Variants in SCIMP observed in about 807,000 individuals in gnomAD.
The protein encoded by SCIMP is SLP adapter and CSK-interacting membrane protein.
A neutral mutation model predicts 22.0 loss-of-function variants in SCIMP; 18 were observed. That is an observed-to-expected ratio of 0.82 (90% CI 0.56 to 1.21). SCIMP has a LOEUF of 1.21. Among genes scored for constraint, SCIMP ranks in the 50% most tolerant of loss-of-function variants. The pLI, the probability that SCIMP is intolerant of heterozygous loss-of-function variation, is 0.00. For missense variants in SCIMP, 155 were observed against 171.2 expected (o/e 0.91, Z 0.53); for synonymous variants, 53 against 62.2 (o/e 0.85, Z 0.70).
Position 5,221,068 on chromosome 17 carries a change from AAAAG to A in SCIMP, c.209+215_209+218del, listed in dbSNP as rs1439495883. 111 of 658,474 alleles carry A rather than the reference AAAAG, an allele frequency of 1.7e-4. No individual in the cohort carries two copies. In the East Asian group the frequency reaches 2.8e-3, roughly 16 times the overall value. The allele number at this position is 658,474 out of a possible 1,614,324, so 40.8% of individuals were successfully genotyped here. On this transcript the variant is annotated intron_variant, in intron 3 of 4. Transcript: ENST00000574081. ...GCAAGACTCCATCTCAAAAAAAAAA[AAAAG>A]AGAGAGAGAGATGAGAGGAGGGAGG...
intron 1 of SCIMP, among the ~76,000 whole-genome samples, chr17:5,229,936 TCTCTC>T (rs1567844148): frequency 6.6e-6 from 1 of 150,908 alleles, no homozygotes; most frequent in Non-Finnish European, 1.5e-5. Context: ...CCTCTCCTCT[TCTCTC>T]CTTTCTTCTC....
rs545477883 is a variant in SCIMP at position 5,227,346 on chromosome 17, G to T, written c.22-3890C>A. Among the ~76,000 whole-genome samples, 221 of 146,958 alleles carry T rather than the reference G, an allele frequency of 1.5e-3. 1 individual carries two copies. Among genetic ancestry groups the T allele is most frequent in the Middle Eastern group, 0.01 (3 of 288 alleles). On this transcript the variant is annotated intron_variant, in intron 1 of 4. Transcript: ENST00000574081. ...ACACTCTTACACTTAGCCAGGTGTG[G>T]CGGCATGTGCCTATAGTCACAGCTA... is the stretch of plus-strand genomic sequence containing the variant.
At chr17:5,234,542 T>A (rs1308663291) in intron 1 of SCIMP, 193 bp downstream of exon 1, 11 of 616,698 alleles carry the variant, frequency 1.8e-5, no homozygotes, top group Non-Finnish European at 3.2e-5. Flanking sequence ...ACTCAGCCAG[T>A]TACCAGTAGA....
In SCIMP at chr17:5,212,823, G is replaced by A. The variant is rs528151133; in HGVS notation, c.284-1868C>T. ...CGACTGAGCCTCACGCCCTGTTCTA[G>A]GTAGTGGATAAATATTAATAGTGGT... On this transcript the variant is annotated intron_variant, in intron 4 of 4. Transcript: ENST00000574081. Among the ~76,000 whole-genome samples, 4 of 152,268 alleles carry A rather than the reference G, an allele frequency of 2.6e-5. No individual in the cohort carries two copies. In the South Asian group the frequency reaches 8.3e-4, roughly 32 times the overall value.
chr17:5,227,456 T>G (rs1181194126), intron 1 of SCIMP, among the ~76,000 whole-genome samples: 1 of 151,984 alleles, frequency 6.6e-6, no homozygotes, highest in Non-Finnish European at 1.5e-5. Flanking sequence ...TCTCAAGTGA[T>G]CCGCATGCCT....
intron 3 of SCIMP, among the ~76,000 whole-genome samples, chr17:5,219,647 G>A (rs1042730243): frequency 4.6e-5 from 7 of 152,040 alleles, no homozygotes; most frequent in Non-Finnish European, 8.8e-5. Flanking sequence ...TAAATAAAGA[G>A]TGTCTTTGTA....
At chr17:5,216,241 G>A (rs1394048651) in intron 3 of SCIMP, among the ~76,000 whole-genome samples, 3 of 152,008 alleles carry the variant, frequency 2.0e-5, no homozygotes, top group Admixed American at 6.6e-5. Flanking sequence ...GTACTCCCAC[G>A]GTGGAATGTT....
chr17:5,215,050 TC>T, intron 3 of SCIMP, 52 bp from the exon 4 acceptor site: 1 of 1,112,156 alleles, frequency 9.0e-7, no homozygotes, highest in Non-Finnish European at 1.4e-6. Context: ...CCATGCCTGC[TC>T]CCAGCCGATT....
At chr17:5,220,476 C>A (rs575319183) in intron 3 of SCIMP, among the ~76,000 whole-genome samples, 1 of 149,866 alleles carries the variant, frequency 6.7e-6, no homozygotes, top group Non-Finnish European at 1.5e-5. Context: ...CAGTGGCTCA[C>A]GTCTATAATC....
intron 2 of SCIMP, among the ~76,000 whole-genome samples, chr17:5,221,935 G>T (rs1164878517): frequency 2.0e-5 from 3 of 151,848 alleles, no homozygotes; most frequent in Non-Finnish European, 4.4e-5. Context: ...ACCACACCTG[G>T]CTAATTTTTG....
chr17:5,210,892 T>G lies in SCIMP; in HGVS notation c.347A>C (p.Lys116Thr), dbSNP rs1273439840. The change falls in exon 5 of 5, where the codon AAG (lysine) becomes ACG (threonine). Residue 116 changes from lysine to threonine, a missense_variant. By Grantham distance (78) the Lys-to-Thr change is moderately conservative. Coordinates refer to ENST00000574081, the MANE Select transcript of SCIMP (RefSeq NM_207103.3). ...TYSLVNKVKNKKTVSIPSYIE... is the reference protein window; with the variant it reads ...TYSLVNKVKNTKTVSIPSYIE... ...GTAGCTTGGGATGGAAACAGTCTTC[T>G]TATTTTTAACTTTATTTACCAGTGA... The G allele has an allele frequency of 6.2e-7, 1 of 1,614,186 alleles. No homozygotes were observed. The highest frequency in any genetic ancestry group is 8.5e-7 in the Non-Finnish European group (1 of 1,180,036).
chr17:5,226,810 A>T (rs1467980800), intron 1 of SCIMP, among the ~76,000 whole-genome samples: 1 of 151,642 alleles, frequency 6.6e-6, no homozygotes, highest in Non-Finnish European at 1.5e-5. Flanking sequence ...CGCCCGGCCG[A>T]CACATTTTTA....
chr17:5,230,236 G>C (rs1354367698), intron 1 of SCIMP, among the ~76,000 whole-genome samples: 1 of 152,186 alleles, frequency 6.6e-6, no homozygotes, highest in South Asian at 2.1e-4. Context: ...ATGCAAAAGA[G>C]CTCTGTGTGC....
Position 5,234,845 on chromosome 17 carries a change from C to T in SCIMP, c.-90G>A. On this transcript the variant is annotated 5_prime_UTR_variant, in exon 1 of 5. Coordinates refer to ENST00000574081, the MANE Select transcript of SCIMP (RefSeq NM_207103.3). Reference sequence around the variant, plus strand: ...CATTCCTCACTCACAGGCCTTCACCCACTGCTAGAGACAGTGAGCCCCATC... The same window carrying T: ...CATTCCTCACTCACAGGCCTTCACCTACTGCTAGAGACAGTGAGCCCCATC... 6.4e-7 allele frequency: 1 copy of T among 1,556,980 alleles called. No individual in the cohort carries two copies. Among genetic ancestry groups the T allele is most frequent in the Non-Finnish European group, 8.7e-7 (1 of 1,150,856 alleles).
intron 3 of SCIMP, among the ~76,000 whole-genome samples, chr17:5,217,579 C>G (rs1370221822): frequency 9.1e-6 from 1 of 110,152 alleles, no homozygotes; most frequent in Non-Finnish European, 1.7e-5. Context: ...CACCCCACAA[C>G]AGTCCCCGGT....
intron 3 of SCIMP, among the ~76,000 whole-genome samples, chr17:5,216,253 T>C (rs1031720881): frequency 1.3e-5 from 2 of 152,146 alleles, no homozygotes; most frequent in Non-Finnish European, 2.9e-5. Context: ...TGGAATGTTC[T>C]ATAGCAACAA....
At chr17:5,223,311 G>T in intron 2 of SCIMP, 22 bp downstream of exon 2, 5 of 1,612,798 alleles carry the variant, frequency 3.1e-6, no homozygotes, top group Non-Finnish European at 4.2e-6. Context: ...CCCTCCACCT[G>T]CCTAGGTAAA....
At chr17:5,211,091 A>G in intron 4 of SCIMP, 136 bp from the exon 5 acceptor site, 1 of 1,366,738 alleles carries the variant, frequency 7.3e-7, no homozygotes, top group Non-Finnish European at 9.7e-7. Flanking sequence ...TTTACAGAGG[A>G]AATTTAGACA....
chr17:5,220,887 A>G (rs1597288252), intron 3 of SCIMP: 1 of 338,000 alleles, frequency 3.0e-6, no homozygotes, highest in Middle Eastern at 1.1e-3. Context: ...GCGAAACCCC[A>G]TTTCTACTAA....
Sources: allele counts gnomAD v4.1 joint callset (sites outside exome capture counted in the v4.1 genomes callset), GRCh38; gene constraint gnomAD v4.1.1; transcripts MANE v1.5; gene names NCBI Gene and HGNC (gene_info 2026-07-23, HGNC 2026-07-21).